Variants in EMC3 observed in about 807,000 individuals in gnomAD.
EMC3 encodes 30 kDa protein.
A neutral mutation model predicts 36.6 loss-of-function variants in EMC3; 13 were observed. The ratio of observed to expected loss-of-function variants is 0.35; its 90% CI spans 0.23 to 0.56. The LOEUF is 0.56. Ranked by LOEUF, EMC3 falls within the 20% of genes least tolerant of loss-of-function variation. The pLI, the probability that EMC3 is intolerant of heterozygous loss-of-function variation, is 0.84. For synonymous variants in EMC3, 120 were observed against 111.9 expected (o/e 1.07, Z -0.46); for missense variants, 220 against 324.5 (o/e 0.68, Z 2.47).
chr3:9,994,445 G>C (rs1286747039), intron 1 of EMC3: 1 of 507,100 alleles, frequency 2.0e-6, no homozygotes, highest in Admixed American at 3.1e-5. Flanking sequence ...TCTCAGGAAA[G>C]CTCAATTTTA....
At position 9,984,480 on chromosome 3, in the gene EMC3, C is replaced by G. The variant is rs531450444; in HGVS notation, c.155+2027G>C. 5.9e-5 allele frequency among the ~76,000 whole-genome samples: 9 copies of G among 151,970 alleles called. No homozygotes were observed. The East Asian group carries it at 1.7e-3, about 29-fold the overall frequency. Reference sequence around the variant, plus strand: ...TCTTGGCTCACTGCAAGCTCCGCCTCCTGGGTTCAAGCAATTCCACTGCCT... The same window carrying G: ...TCTTGGCTCACTGCAAGCTCCGCCTGCTGGGTTCAAGCAATTCCACTGCCT... On this transcript the variant is annotated intron_variant, in intron 1 of 7. Coordinates refer to ENST00000245046, the MANE Select transcript of EMC3 (RefSeq NM_001394674.1).
intron 1 of EMC3, among the ~76,000 whole-genome samples, chr3:9,997,855 A>G (rs1180686551): frequency 1.3e-5 from 2 of 152,048 alleles, no homozygotes; most frequent in African/African-American, 2.4e-5. Context: ...TAATGTTGCT[A>G]TGAGTATTGG....
At chr3:9,986,975 G>A (rs1422109953), upstream of EMC3, 1 of 1,117,048 alleles carries the variant, frequency 9.0e-7, no homozygotes, top group Non-Finnish European at 1.1e-6. Context: ...CAGCACTTTG[G>A]GAGGCCAAGG....
intron 5 of EMC3, 169 bp downstream of exon 5, chr3:9,973,459 G>T: frequency 1.6e-6 from 1 of 606,856 alleles, no homozygotes; most frequent in South Asian, 2.0e-5. Flanking sequence ...CTCCCAAAGT[G>T]CTGGGATTAC....
chr3:9,988,801 T>C (rs938404261), upstream of EMC3: 14 of 1,090,394 alleles, frequency 1.3e-5, no homozygotes, highest in African/African-American at 1.8e-4. Flanking sequence ...AGTAATGACA[T>C]TGGCTAGCTT....
intron 1 of EMC3, 150 bp downstream of exon 1, chr3:9,986,357 A>G (rs559260855): frequency 7.2e-6 from 6 of 836,586 alleles, no homozygotes; most frequent in African/African-American, 3.4e-5. Flanking sequence ...CCCATTTCAC[A>G]GAGGACAAAA....
chr3:9,998,352 C>T (rs1202731803), intron 1 of EMC3, among the ~76,000 whole-genome samples: 3 of 131,990 alleles, frequency 2.3e-5, no homozygotes, highest in Middle Eastern at 4.0e-3. Flanking sequence ...GGCAACAGAG[C>T]GAGACTCTGT....
chr3:9,974,257 A>C (rs2085820832), intron 4 of EMC3, 127 bp downstream of exon 4: 1 of 658,016 alleles, frequency 1.5e-6, no homozygotes, highest in Non-Finnish European at 2.7e-6. Flanking sequence ...AAGTCATCAC[A>C]TATTAAATTT....
At chr3:10,003,033 C>A (rs2086223485) in intron 1 of EMC3, 1 of 456,002 alleles carries the variant, frequency 2.2e-6, no homozygotes, top group Non-Finnish European at 4.4e-6. Context: ...CAGAAACATC[C>A]CAGGCTCAAC....
At chr3:9,974,621 C>CAT (rs1408486575) in intron 3 of EMC3, 133 bp from the exon 4 acceptor site, 32 of 554,780 alleles carry the variant, frequency 5.8e-5, no homozygotes, top group Middle Eastern at 5.1e-4. Context: ...TGCAGTGGTG[C>CAT]GATCTCAGCT....
chr3:9,998,442 T>C (rs2086156992), intron 1 of EMC3, among the ~76,000 whole-genome samples: 1 of 150,114 alleles, frequency 6.7e-6, no homozygotes, highest in Admixed American at 6.6e-5. Context: ...TTAATTTTTT[T>C]TTTTATGTAT....
Position 9,985,206 on chromosome 3 carries a change from C to A in EMC3, c.155+1301G>T, listed in dbSNP as rs561569725. ...TTTAAAGGAATCTTTAAATTACCAG[C>A]AAATGGAAATCCAGTATTGTCACAA... On this transcript the variant is annotated intron_variant, in intron 1 of 7. Coordinates refer to ENST00000245046, the MANE Select transcript of EMC3 (RefSeq NM_001394674.1). Among the ~76,000 whole-genome samples the A allele has an allele frequency of 2.0e-5, 3 of 152,252 alleles. No homozygotes were observed. The South Asian group carries it at 6.2e-4, about 32-fold the overall frequency.
rs541728086 is a variant in EMC3, at chr3:9,970,756, T to C, written c.495-95A>G. 285 of 1,247,240 alleles carry C rather than the reference T, an allele frequency of 2.3e-4. No individual in the cohort carries two copies. The African/African-American group carries it at 3.9e-3, about 17-fold the overall frequency. The allele number at this position is 1,247,240 out of a possible 1,614,324, so 77.3% of individuals were successfully genotyped here. On this transcript the variant is annotated intron_variant, in intron 5 of 7. Coordinates refer to ENST00000245046, the MANE Select transcript of EMC3 (RefSeq NM_001394674.1). ...ACCACCCAAAGTTGTTCAGTGTTTG[T>C]AAAGAAGTCACCTTGGATGGGCTAT...
chr3:9,978,720 C>T (rs1189693762), intron 1 of EMC3, among the ~76,000 whole-genome samples: 2 of 152,060 alleles, frequency 1.3e-5, no homozygotes, highest in African/African-American at 4.8e-5. Context: ...ATCCCAGCTA[C>T]TCAGGAGGCT....
chr3:10,003,395 C>T (rs1399235862), intron 1 of EMC3: 2 of 362,502 alleles, frequency 5.5e-6, no homozygotes, highest in African/African-American at 4.3e-5. Context: ...AACATAGTTG[C>T]ACGGCTGAAG....
chr3:9,974,539 G>A (rs1248189098), intron 3 of EMC3, 51 bp from the exon 4 acceptor site: 2 of 1,261,748 alleles, frequency 1.6e-6, no homozygotes, highest in African/African-American at 1.5e-5. Context: ...TCTGTTGCCA[G>A]GGACTTTCTC....
At chr3:9,973,185 G>A (rs191049893) in intron 5 of EMC3, among the ~76,000 whole-genome samples, 144 of 148,068 alleles carry the variant, frequency 9.7e-4, no homozygotes, top group African/African-American at 3.2e-3. Context: ...TTTTGTTTTC[G>A]TTTTTTGTTT....
chr3:9,998,401 A>ATAATAAT, intron 1 of EMC3, among the ~76,000 whole-genome samples: 1 of 146,328 alleles, frequency 6.8e-6, no homozygotes, highest in Middle Eastern at 3.6e-3. Flanking sequence ...AATAATAATA[A>ATAATAAT]TAATAATTTT....
At chr3:10,007,323 G>T (rs1389345199) in intron 1 of EMC3, 1 of 1,308,470 alleles carries the variant, frequency 7.6e-7, no homozygotes, top group African/African-American at 1.5e-5. Context: ...AGCCCCTTCA[G>T]GTCCCGTCTG....
Sources: allele counts gnomAD v4.1 joint callset (sites outside exome capture counted in the v4.1 genomes callset), GRCh38; gene constraint gnomAD v4.1.1; transcripts MANE v1.5; gene names NCBI Gene and HGNC (gene_info 2026-07-23, HGNC 2026-07-21).